Variants in NEGR1 observed in about 807,000 individuals in gnomAD.
NEGR1 encodes the protein neuronal growth regulator 1.
A neutral mutation model predicts 40.9 loss-of-function variants in NEGR1; 10 were observed. The observed-to-expected ratio is 0.24, with a 90% CI of 0.15 to 0.42. NEGR1 has a LOEUF of 0.42. NEGR1 is among the 10% of genes least tolerant of loss of function. The pLI, the probability that NEGR1 is intolerant of heterozygous loss-of-function variation, is 1.00. For missense variants in NEGR1, 352 were observed against 438.9 expected (o/e 0.80, Z 1.77); for synonymous variants, 185 against 166.8 (o/e 1.11, Z -0.84).
intron 1 of NEGR1, among the ~76,000 whole-genome samples, chr1:71,964,862 T>C (rs567387571): frequency 6.6e-6 from 1 of 152,146 alleles, no homozygotes; most frequent in South Asian, 2.1e-4. Flanking sequence ...GTTTAAGGGT[T>C]ATGGGTTTGG....
chr1:71,938,671 A>AT (rs536521513), intron 1 of NEGR1, among the ~76,000 whole-genome samples: 220 of 151,142 alleles, frequency 1.5e-3, no homozygotes, highest in African/African-American at 4.9e-3. Context: ...GGGTACCAAC[A>AT]TTTTTTTTTC....
Position 71,404,923 on chromosome 1 carries a change from C to T in NEGR1, c.*2523G>A, listed in dbSNP as rs1646268576. The T allele has an allele frequency of 6.6e-6, 1 of 152,076 alleles. No homozygotes were observed. Among genetic ancestry groups the T allele is most frequent in the Non-Finnish European group, 1.5e-5 (1 of 67,720 alleles). The allele number at this position is 152,076 out of a possible 1,614,324, so 9.4% of individuals were successfully genotyped here. A position where few individuals can be genotyped will look rare whatever the true frequency, so the allele number is the denominator to read the frequency against. ...TTGAACATTATATGCAATACATTCA[C>T]ACAAAAAAGCAAATACTGTAGCCTT... On this transcript the variant is annotated 3_prime_UTR_variant, in exon 7 of 7. Transcript: ENST00000357731.
intron 6 of NEGR1, among the ~76,000 whole-genome samples, chr1:71,445,980 T>C (rs966379321): frequency 6.6e-6 from 1 of 152,204 alleles, no homozygotes; most frequent in African/African-American, 2.4e-5. Flanking sequence ...CACCATATTT[T>C]TTACATATTA....
At chr1:71,701,480 T>C (rs1486042377) in intron 3 of NEGR1, among the ~76,000 whole-genome samples, 1 of 152,040 alleles carries the variant, frequency 6.6e-6, no homozygotes, top group Non-Finnish European at 1.5e-5. Flanking sequence ...TACTACAGTC[T>C]CAACTCTCTG....
intron 1 of NEGR1, among the ~76,000 whole-genome samples, chr1:72,141,960 T>C (rs1650694356): frequency 7.0e-6 from 1 of 142,164 alleles, no homozygotes; most frequent in Admixed American, 7.0e-5. Context: ...AGGAAAAGCA[T>C]GATAATAAAA....
chr1:71,722,718 A>G (rs1220329598), intron 3 of NEGR1, among the ~76,000 whole-genome samples: 1 of 139,746 alleles, frequency 7.2e-6, no homozygotes, highest in Admixed American at 6.8e-5. Context: ...ATTGGCATAC[A>G]TTTTTTTTAT....
chr1:71,622,050 T>C (rs1557590583), intron 4 of NEGR1, among the ~76,000 whole-genome samples: 3 of 151,942 alleles, frequency 2.0e-5, no homozygotes, highest in Admixed American at 6.6e-5. Flanking sequence ...GGTGAAATTA[T>C]AGCTTGAAAT....
At chr1:71,854,023 T>C (rs1224639820) in intron 2 of NEGR1, among the ~76,000 whole-genome samples, 2 of 152,160 alleles carry the variant, frequency 1.3e-5, no homozygotes, top group Non-Finnish European at 2.9e-5. Context: ...TTCTGTATTC[T>C]TGTTTGTTGA....
chr1:71,894,708 A>T (rs1350407824), intron 2 of NEGR1, among the ~76,000 whole-genome samples: 3 of 152,232 alleles, frequency 2.0e-5, no homozygotes, highest in Non-Finnish European at 4.4e-5. Flanking sequence ...TCCTTCTTTA[A>T]CAAAACTTGA....
At chr1:71,454,550 C>T (rs962259264) in intron 6 of NEGR1, among the ~76,000 whole-genome samples, 1 of 87,024 alleles carries the variant, frequency 1.1e-5, no homozygotes, top group Non-Finnish European at 2.8e-5. Context: ...TCCAGGTTTC[C>T]TTGTGGTTTT....
chr1:71,876,787 T>A (rs1660444666), intron 2 of NEGR1, among the ~76,000 whole-genome samples: 1 of 152,090 alleles, frequency 6.6e-6, no homozygotes, highest in African/African-American at 2.4e-5. Context: ...GATCCCATAT[T>A]AGGGCATTTG....
intron 5 of NEGR1, among the ~76,000 whole-genome samples, chr1:71,606,519 T>C (rs1650081105): frequency 6.6e-6 from 1 of 152,178 alleles, no homozygotes; most frequent in Non-Finnish European, 1.5e-5. Context: ...GGTTAATTTG[T>C]TACTTAGCAA....
At chr1:71,513,103 G>A (rs1647088511) in intron 6 of NEGR1, among the ~76,000 whole-genome samples, 1 of 152,152 alleles carries the variant, frequency 6.6e-6, no homozygotes, top group Admixed American at 6.5e-5. Flanking sequence ...ACAATTCAGA[G>A]AGGGTGGATT....
chr1:71,791,244 ATTAAAG>A (rs1162472453), intron 2 of NEGR1, among the ~76,000 whole-genome samples: 1 of 152,102 alleles, frequency 6.6e-6, no homozygotes, highest in Non-Finnish European at 1.5e-5. Context: ...ATTAAATAAT[ATTAAAG>A]TTAAATTATA....
At chr1:71,563,404 C>T (rs1173630256) in intron 6 of NEGR1, among the ~76,000 whole-genome samples, 1 of 151,926 alleles carries the variant, frequency 6.6e-6, no homozygotes, top group Non-Finnish European at 1.5e-5. Flanking sequence ...AGAGAAAGCC[C>T]ACAGAGCATT....
intron 1 of NEGR1, among the ~76,000 whole-genome samples, chr1:72,238,915 G>A (rs1300079091): frequency 6.6e-6 from 1 of 151,770 alleles, no homozygotes; most frequent in East Asian, 1.9e-4. Context: ...CCAGGGAACC[G>A]GGGATCATAC....
chr1:71,797,336 A>G (rs940473927), intron 2 of NEGR1, among the ~76,000 whole-genome samples: 1 of 152,164 alleles, frequency 6.6e-6, no homozygotes, highest in Non-Finnish European at 1.5e-5. Context: ...TTAGTATATT[A>G]AACATGCTGC....
chr1:72,098,639 T>G (rs1569960890), intron 1 of NEGR1, among the ~76,000 whole-genome samples: 1 of 152,110 alleles, frequency 6.6e-6, no homozygotes, highest in Admixed American at 6.6e-5. Flanking sequence ...CTCTAAATAC[T>G]CTTTCTCATT....
chr1:72,271,032 T>G (rs1655825556), intron 1 of NEGR1, among the ~76,000 whole-genome samples: 2 of 151,858 alleles, frequency 1.3e-5, no homozygotes, highest in African/African-American at 4.8e-5. Context: ...GTACTTCTGT[T>G]GTGGAGACAA....
Sources: allele counts gnomAD v4.1 joint callset (sites outside exome capture counted in the v4.1 genomes callset), GRCh38; gene constraint gnomAD v4.1.1; transcripts MANE v1.5; gene names NCBI Gene and HGNC (gene_info 2026-07-23, HGNC 2026-07-21).